Variants in MGMT observed in about 807,000 individuals in gnomAD.
The protein encoded by MGMT is O-6-methylguanine-DNA methyltransferase.
In MGMT, 14 loss-of-function variants were observed where a neutral mutation model predicts 15.9. The ratio of observed to expected loss-of-function variants is 0.88; its 90% confidence interval spans 0.58 to 1.37. The LOEUF (loss-of-function observed/expected upper bound fraction) is 1.37. Ranked by LOEUF, MGMT falls within the 40% of genes most tolerant of loss-of-function variation. MGMT has a pLI of 0.00. For missense variants in MGMT, 282 were observed against 268.1 expected, an observed-to-expected ratio of 1.05 and a Z score of -0.36; for synonymous variants, 130 against 118.2, an observed-to-expected ratio of 1.10 and a Z score of -0.65.
intron 1 of MGMT, among the ~76,000 whole-genome samples, chr10:129,505,528 G>A (rs954610903): frequency 3.9e-5 from 6 of 152,258 alleles, no homozygotes; most frequent in East Asian, 3.9e-4. Flanking sequence ...ATAGATACAC[G>A]GTGGTTCTTT....
At chr10:129,475,302 C>T (rs117214231) in intron 1 of MGMT, among the ~76,000 whole-genome samples, 4,721 of 152,144 alleles carry the variant, frequency 0.031, 105 homozygotes, top group South Asian at 0.063. Flanking sequence ...CAGTTGTCAT[C>T]TAGTTAAAGT....
intron 3 of MGMT, among the ~76,000 whole-genome samples, chr10:129,724,472 A>G (rs755200080): frequency 3.3e-5 from 5 of 152,226 alleles, no homozygotes; most frequent in Non-Finnish European, 7.3e-5. Flanking sequence ...GTTAGGTCAC[A>G]TAGGTATCTA....
chr10:129,520,681 C>T (rs778023724), intron 1 of MGMT, among the ~76,000 whole-genome samples: 4 of 149,830 alleles, frequency 2.7e-5, no homozygotes, highest in Non-Finnish European at 4.4e-5. Context: ...AGAGCCCCTA[C>T]GGTGCGGGTA....
At chr10:129,478,861 T>TTTTATTTA (rs138841703) in intron 1 of MGMT, among the ~76,000 whole-genome samples, 19 of 152,240 alleles carry the variant, frequency 1.2e-4, no homozygotes, top group East Asian at 1.2e-3. Context: ...CTTCGTTATC[T>TTTTATTTA]TTTATTTATT....
chr10:129,611,690 G>A (rs893849490), intron 2 of MGMT, among the ~76,000 whole-genome samples: 3 of 152,208 alleles, frequency 2.0e-5, no homozygotes, highest in African/African-American at 7.2e-5. Flanking sequence ...GACCTGTAGA[G>A]TCATCCCAAA....
At chr10:129,564,723 C>T (rs1199799619) in intron 2 of MGMT, among the ~76,000 whole-genome samples, 1 of 147,606 alleles carries the variant, frequency 6.8e-6, no homozygotes, top group Non-Finnish European at 1.5e-5. Flanking sequence ...TCCTCCTGCC[C>T]TTCTTTTCCT....
chr10:129,721,000 G>A (rs925618302), intron 3 of MGMT, among the ~76,000 whole-genome samples: 5 of 151,946 alleles, frequency 3.3e-5, no homozygotes, highest in South Asian at 2.1e-4. Context: ...ATATGTTATC[G>A]GATGAGAAGG....
At chr10:129,486,297 C>T (rs1370017401) in intron 1 of MGMT, among the ~76,000 whole-genome samples, 1 of 151,330 alleles carries the variant, frequency 6.6e-6, no homozygotes, top group African/African-American at 2.4e-5. Context: ...AAGCAATTCT[C>T]CTGCCTTAGC....
At chr10:129,535,276 G>T (rs1366371191) in intron 1 of MGMT, among the ~76,000 whole-genome samples, 1 of 152,088 alleles carries the variant, frequency 6.6e-6, no homozygotes, top group Non-Finnish European at 1.5e-5. Flanking sequence ...AAAATAGCAA[G>T]ACCCAGTGCC....
chr10:129,710,655 G>T (rs1848222338), intron 3 of MGMT, among the ~76,000 whole-genome samples: 1 of 152,176 alleles, frequency 6.6e-6, no homozygotes, highest in Non-Finnish European at 1.5e-5. Flanking sequence ...GCCCCTCTCT[G>T]TCTGGCATGA....
chr10:129,508,291 A>G (rs1845645526), intron 1 of MGMT, among the ~76,000 whole-genome samples: 1 of 152,308 alleles, frequency 6.6e-6, no homozygotes, highest in African/African-American at 2.4e-5. Context: ...GATACGTGGC[A>G]GGTCCTAGAA....
At position 129,651,931 on chromosome 10, in the gene MGMT, C is replaced by T. The variant is rs187279930; in HGVS notation, c.126-55964C>T. Among the ~76,000 whole-genome samples, 593 of 152,028 alleles carry T rather than the reference C, an allele frequency of 3.9e-3. 4 individuals carry two copies. Among genetic ancestry groups the T allele is most frequent in the Middle Eastern group, 6.8e-3 (2 of 294 alleles). ...TCAACCTAAAAATCCTTTAGGTGTT[C>T]TCTGGGGGCTGGAAACAGAGGCCGG... On this transcript the variant is annotated intron_variant, in intron 2 of 4. Transcript: ENST00000651593.
At chr10:129,590,237 A>G (rs897199581) in intron 2 of MGMT, among the ~76,000 whole-genome samples, 1 of 152,214 alleles carries the variant, frequency 6.6e-6, no homozygotes, top group Non-Finnish European at 1.5e-5. Context: ...TGTTTAATAT[A>G]TCTTATAAAA....
chr10:129,576,075 T>C (rs1168583282), intron 2 of MGMT, among the ~76,000 whole-genome samples: 1 of 152,100 alleles, frequency 6.6e-6, no homozygotes, highest in African/African-American at 2.4e-5. Flanking sequence ...TCCAGGACCA[T>C]ATGGATTCGC....
intron 2 of MGMT, among the ~76,000 whole-genome samples, chr10:129,633,669 A>G (rs952074427): frequency 1.2e-4 from 18 of 152,360 alleles, no homozygotes; most frequent in Non-Finnish European, 2.1e-4. Context: ...CCAGATAAGT[A>G]GTGCTGATAC....
intron 2 of MGMT, among the ~76,000 whole-genome samples, chr10:129,704,424 G>A (rs571589863): frequency 1.4e-4 from 21 of 152,192 alleles, no homozygotes; most frequent in African/African-American, 5.1e-4. Flanking sequence ...ACCTCAGCCT[G>A]TGTATTAAGG....
intron 2 of MGMT, 97 bp downstream of exon 2, chr10:129,536,474 C>T (rs564450653): frequency 2.4e-5 from 35 of 1,453,012 alleles, no homozygotes; most frequent in Non-Finnish European, 3.1e-5. Context: ...GGCAGGGTAA[C>T]GCATAGCCTT....
At chr10:129,487,262 C>A (rs1845418004) in intron 1 of MGMT, among the ~76,000 whole-genome samples, 1 of 152,108 alleles carries the variant, frequency 6.6e-6, no homozygotes, top group South Asian at 2.1e-4. Flanking sequence ...ATGATGGTTG[C>A]AGTGGTTCCT....
intron 2 of MGMT, among the ~76,000 whole-genome samples, chr10:129,653,625 G>A (rs1378590985): frequency 2.6e-5 from 4 of 152,196 alleles, no homozygotes; most frequent in Non-Finnish European, 5.9e-5. Flanking sequence ...GGTCAGCACT[G>A]GACTGGCCCA....
Sources: gnomAD v4.1 joint callset for allele counts (sites outside exome capture counted in the v4.1 genomes callset) on GRCh38, gnomAD v4.1.1 for gene constraint, MANE v1.5 for transcripts, NCBI Gene and HGNC (gene_info 2026-07-23, HGNC 2026-07-21) for gene names.